The following CALN1 variants were observed in gnomAD, a reference collection of about 807,000 sequenced individuals.
CALN1 encodes the protein calneuron 1.
Under a neutral mutation model 30.6 loss-of-function variants are expected in CALN1, and 17 were observed. The ratio of observed to expected loss-of-function variants is 0.56; its 90% CI spans 0.38 to 0.83. CALN1 has a LOEUF of 0.83. CALN1 is among the 40% of genes least tolerant of loss of function. The probability of loss-of-function intolerance (pLI) is 0.00; values close to 1 mark genes in which losing one functional copy is unlikely to be tolerated. For synonymous variants in CALN1, 156 were observed against 131.4 expected (o/e 1.19, Z -1.28); for missense variants, 291 against 354.9 (o/e 0.82, Z 1.45).
At chr7:71,924,323 T>C (rs1795146242) in intron 5 of CALN1, among the ~76,000 whole-genome samples, 1 of 151,976 alleles carries the variant, frequency 6.6e-6, no homozygotes, top group African/African-American at 2.4e-5. Context: ...AACCCACCTC[T>C]GCACTTCAGA....
At chr7:72,357,899 G>C (rs1803334735) in intron 2 of CALN1, among the ~76,000 whole-genome samples, 1 of 149,556 alleles carries the variant, frequency 6.7e-6, no homozygotes, top group African/African-American at 2.5e-5. Flanking sequence ...CCAGCTCCCA[G>C]GCTCAAGGGA....
chr7:72,487,942 GAAGGAAGGAAGGA>G, the CALN1 span, among the ~76,000 whole-genome samples: 20 of 73,956 alleles, frequency 2.7e-4, no homozygotes, highest in Admixed American at 6.2e-4. Context: ...AGGAAGGAAG[GAAGGAAGGAAGGA>G]AAGGAAGGAA....
At chr7:72,021,294 G>A (rs920927561) in intron 5 of CALN1, among the ~76,000 whole-genome samples, 8 of 151,496 alleles carry the variant, frequency 5.3e-5, no homozygotes, top group Non-Finnish European at 5.9e-5. Context: ...CAAAAAACAA[G>A]CAAAAAGGCA....
chr7:72,087,458 C>T (rs1299393627), intron 4 of CALN1, among the ~76,000 whole-genome samples: 1 of 152,164 alleles, frequency 6.6e-6, no homozygotes, highest in Non-Finnish European at 1.5e-5. Context: ...AATCAATCGT[C>T]TGACTCAGCA....
At chr7:72,038,139 G>A (rs913274271) in intron 4 of CALN1, among the ~76,000 whole-genome samples, 3 of 151,810 alleles carry the variant, frequency 2.0e-5, no homozygotes, top group Non-Finnish European at 4.4e-5. Flanking sequence ...CCTGATATTT[G>A]GAGAACAGGA....
At chr7:72,272,428 G>C (rs898654884) in intron 3 of CALN1, among the ~76,000 whole-genome samples, 1 of 151,990 alleles carries the variant, frequency 6.6e-6, no homozygotes, top group Admixed American at 6.6e-5. Flanking sequence ...TGGGTGTGGT[G>C]GTGCACGCCT....
intron 3 of CALN1, among the ~76,000 whole-genome samples, chr7:72,200,007 G>GCCC (rs1226422012): frequency 1.3e-5 from 2 of 152,128 alleles, no homozygotes; most frequent in African/African-American, 4.8e-5. Flanking sequence ...CCTCTACTAT[G>GCCC]CCCCCTTCAA....
intron 3 of CALN1, among the ~76,000 whole-genome samples, chr7:72,117,009 G>A (rs535153669): frequency 1.3e-5 from 2 of 152,222 alleles, no homozygotes; most frequent in Admixed American, 1.3e-4. Flanking sequence ...ACAGGTCGTA[G>A]GGGGATTAAA....
At chr7:72,255,219 G>A (rs900279979) in intron 3 of CALN1, among the ~76,000 whole-genome samples, 36 of 150,694 alleles carry the variant, frequency 2.4e-4, no homozygotes, top group Non-Finnish European at 3.0e-5. Context: ...CCCAGTAGCA[G>A]GGATTACAGG....
At chr7:72,345,416 A>AAAGT (rs1370503216) in intron 2 of CALN1, among the ~76,000 whole-genome samples, 1 of 146,356 alleles carries the variant, frequency 6.8e-6, no homozygotes, top group Non-Finnish European at 1.5e-5. Flanking sequence ...GAAAGAAGAG[A>AAAGT]AAGGAAAGAA....
At chr7:72,115,469 T>G (rs1020333741) in intron 3 of CALN1, among the ~76,000 whole-genome samples, 3 of 147,500 alleles carry the variant, frequency 2.0e-5, no homozygotes, top group Non-Finnish European at 3.0e-5. Flanking sequence ...GATAAATACA[T>G]TACACATATA....
At chr7:71,871,667 A>G (rs1002040226) in intron 5 of CALN1, among the ~76,000 whole-genome samples, 2 of 152,126 alleles carry the variant, frequency 1.3e-5, no homozygotes, top group African/African-American at 2.4e-5. Flanking sequence ...TCCTCAGGAC[A>G]TCGCACCTTC....
At chr7:72,143,034 G>A (rs960072562) in intron 3 of CALN1, among the ~76,000 whole-genome samples, 7 of 152,176 alleles carry the variant, frequency 4.6e-5, no homozygotes, top group Non-Finnish European at 8.8e-5. Flanking sequence ...AAAAAACAGA[G>A]CAGAAAAACT....
chr7:72,370,378 G>A (rs1045172953), intron 2 of CALN1, among the ~76,000 whole-genome samples: 4 of 152,124 alleles, frequency 2.6e-5, no homozygotes, highest in Admixed American at 6.5e-5. Context: ...ATATGCTTTA[G>A]ATATAAGTCC....
At chr7:72,437,625 C>G (rs1348081913) in intron 1 of CALN1, among the ~76,000 whole-genome samples, 1 of 151,588 alleles carries the variant, frequency 6.6e-6, no homozygotes, top group East Asian at 1.9e-4. Flanking sequence ...TTTTGCCTTT[C>G]TTTCTTTTTC....
intron 3 of CALN1, among the ~76,000 whole-genome samples, chr7:72,140,895 T>C (rs1809882431): frequency 6.6e-6 from 1 of 152,210 alleles, no homozygotes. Flanking sequence ...CGCTGGGGCC[T>C]TGCTCTGCAG....
At chr7:72,501,954 C>T in the CALN1 span, among the ~76,000 whole-genome samples, 141 of 75,824 alleles carry the variant, frequency 1.9e-3, 1 homozygote, top group Non-Finnish European at 2.4e-3. Flanking sequence ...TATATACACA[C>T]ATATATATAT....
At chr7:71,980,774 C>A (rs1313600058) in intron 5 of CALN1, among the ~76,000 whole-genome samples, 1 of 151,962 alleles carries the variant, frequency 6.6e-6, no homozygotes. Flanking sequence ...AACTGAAGGC[C>A]TGCTGACTTC....
intron 6 of CALN1, among the ~76,000 whole-genome samples, chr7:71,790,103 C>G (rs887033481): frequency 7.0e-6 from 1 of 143,348 alleles, no homozygotes; most frequent in Non-Finnish European, 1.5e-5. Context: ...TGAGACCCTG[C>G]AGGAGAGAGA....
Sources: gnomAD v4.1 joint callset for allele counts (sites outside exome capture counted in the v4.1 genomes callset) on GRCh38, gnomAD v4.1.1 for gene constraint, MANE v1.5 for transcripts, NCBI Gene and HGNC (gene_info 2026-07-23, HGNC 2026-07-21) for gene names.